DLGAP4: variants seen among roughly 807,000 people sequenced by gnomAD.
The protein encoded by DLGAP4 is DLG associated protein 4, also known as disks large-associated protein 4.
A neutral mutation model predicts 86.9 loss-of-function variants in DLGAP4; 18 were observed. That is an observed-to-expected ratio of 0.21 (90% CI 0.14 to 0.31). DLGAP4 has a LOEUF of 0.31. Ranked by LOEUF, DLGAP4 falls within the 10% of genes least tolerant of loss-of-function variation. The probability of loss-of-function intolerance (pLI) is 1.00; values close to 1 mark genes in which losing one functional copy is unlikely to be tolerated. For synonymous variants in DLGAP4, 548 were observed against 574.3 expected (o/e 0.95, Z 0.65); for missense variants, 1,085 against 1,362.6 (o/e 0.80, Z 3.21).
At chr20:36,477,584 G>A (rs2035003904) in intron 7 of DLGAP4, among the ~76,000 whole-genome samples, 2 of 152,200 alleles carry the variant, frequency 1.3e-5, no homozygotes, top group Admixed American at 6.5e-5. Context: ...GAGGAAGGCT[G>A]TGGATCTGAT....
intron 10 of DLGAP4, among the ~76,000 whole-genome samples, chr20:36,509,988 C>T (rs1040229113): frequency 1.3e-5 from 2 of 151,962 alleles, no homozygotes; most frequent in Admixed American, 1.3e-4. Context: ...TCCTGAGCAG[C>T]TGGGATTACA....
At chr20:36,480,836 T>C (rs1428010326) in intron 7 of DLGAP4, among the ~76,000 whole-genome samples, 1 of 152,100 alleles carries the variant, frequency 6.6e-6, no homozygotes. Flanking sequence ...TGAGACCTCA[T>C]CTCTACAAAA....
intron 1 of DLGAP4, among the ~76,000 whole-genome samples, chr20:36,327,500 G>A (rs1381149646): frequency 6.6e-6 from 1 of 151,936 alleles, no homozygotes; most frequent in Non-Finnish European, 1.5e-5. Context: ...GGCCACTCTT[G>A]ACTCAGTTTC....
At chr20:36,360,145 C>A (rs2030467217) in intron 1 of DLGAP4, among the ~76,000 whole-genome samples, 1 of 152,200 alleles carries the variant, frequency 6.6e-6, no homozygotes, top group Non-Finnish European at 1.5e-5. Context: ...GCTCTGCCCT[C>A]ACAGCAACCC....
intron 2 of DLGAP4, among the ~76,000 whole-genome samples, chr20:36,388,799 T>C (rs1226018204): frequency 6.6e-6 from 1 of 152,188 alleles, no homozygotes; most frequent in Non-Finnish European, 1.5e-5. Context: ...TTCACACTTT[T>C]CCTGCGATTA....
intron 1 of DLGAP4, among the ~76,000 whole-genome samples, chr20:36,317,377 T>C (rs2065119205): frequency 6.7e-6 from 1 of 149,760 alleles, no homozygotes; most frequent in African/African-American, 2.5e-5. Flanking sequence ...CATTCTTTCT[T>C]TCCTCTCGTC....
intron 2 of DLGAP4, among the ~76,000 whole-genome samples, chr20:36,403,585 G>A (rs151204867): frequency 1.3e-4 from 20 of 152,342 alleles, no homozygotes; most frequent in African/African-American, 4.6e-4. Context: ...GCTTTGTGAG[G>A]TAGTAATTTG....
At chr20:36,416,881 C>T (rs1052119269) in intron 2 of DLGAP4, among the ~76,000 whole-genome samples, 1 of 152,184 alleles carries the variant, frequency 6.6e-6, no homozygotes, top group African/African-American at 2.4e-5. Flanking sequence ...AGCTGCAGCT[C>T]TCCAGCTCCC....
At chr20:36,495,588 A>G (rs997286467) in intron 7 of DLGAP4, among the ~76,000 whole-genome samples, 2 of 152,228 alleles carry the variant, frequency 1.3e-5, no homozygotes, top group African/African-American at 4.8e-5. Flanking sequence ...TCTGAGAAGC[A>G]AGCAGTGGGC....
intron 7 of DLGAP4, among the ~76,000 whole-genome samples, chr20:36,466,797 C>T (rs1284297823): frequency 2.0e-5 from 3 of 152,222 alleles, no homozygotes; most frequent in African/African-American, 2.4e-5. Context: ...CTCCCTCCCC[C>T]GGGCTCCCTC....
chr20:36,440,317 A>C (rs2033411126), intron 5 of DLGAP4, among the ~76,000 whole-genome samples: 1 of 152,136 alleles, frequency 6.6e-6, no homozygotes, highest in Admixed American at 6.5e-5. Flanking sequence ...TGGGATCGTG[A>C]AGGCGGTGTG....
At position 36,436,346 on chromosome 20, in the gene DLGAP4, C is replaced by T. The variant is rs775153542; in HGVS notation, c.1237C>T (p.Arg413Cys). The change falls in exon 4 of 13, where the codon CGC becomes TGC. Residue 413 changes from arginine (R) to cysteine (C), a missense_variant. By Grantham distance (180) the Arg-to-Cys change is radical. Around this residue, in one of 2 missense-constraint regions of DLGAP4, gnomAD observed 1,082 missense variants for 1,344.1 expected, o/e 0.81. Coordinates refer to ENST00000339266, the MANE Select transcript of DLGAP4 (RefSeq NM_001365621.2). ...GTCGCTGGGAGAGCAGAGCAACCCC[C>T]GCAGGTAGGCGCGCAGCTCCACCCT... ...QQSLGEQSNP[R>C]RSLDRLDSVD... 1.9e-5 allele frequency: 31 copies of T among 1,591,378 alleles called. No homozygotes were observed. In the South Asian group the frequency reaches 3.1e-4, roughly 16 times the overall value.
chr20:36,384,680 A>G (rs2031531637), intron 2 of DLGAP4, among the ~76,000 whole-genome samples: 1 of 152,186 alleles, frequency 6.6e-6, no homozygotes, highest in Admixed American at 6.5e-5. Context: ...TTACACACGG[A>G]GGAAAGCAGG....
intron 10 of DLGAP4, among the ~76,000 whole-genome samples, chr20:36,511,742 G>A (rs992066067): frequency 1.4e-4 from 21 of 151,532 alleles, no homozygotes; most frequent in African/African-American, 3.4e-4. Flanking sequence ...GGGTGTCATC[G>A]TGGGCACCTG....
intron 1 of DLGAP4, among the ~76,000 whole-genome samples, chr20:36,310,180 A>AAAAAGAAAG (rs2065039932): frequency 8.1e-6 from 1 of 124,164 alleles, no homozygotes; most frequent in African/African-American, 3.7e-5. Context: ...CAAAAAAAAA[A>AAAAAGAAAG]AAAGAAAGAA....
chr20:36,386,127 G>A (rs1019750999), intron 2 of DLGAP4, among the ~76,000 whole-genome samples: 32 of 140,232 alleles, frequency 2.3e-4, no homozygotes, highest in African/African-American at 8.2e-4. Flanking sequence ...AGCCCACCTC[G>A]TCCACACTCT....
At chr20:36,385,596 C>T (rs192002582) in intron 2 of DLGAP4, among the ~76,000 whole-genome samples, 25 of 152,310 alleles carry the variant, frequency 1.6e-4, no homozygotes, top group African/African-American at 5.1e-4. Flanking sequence ...GACATTCCTT[C>T]GGGCAGGCAG....
At chr20:36,427,329 T>C (rs1487086490) in intron 2 of DLGAP4, among the ~76,000 whole-genome samples, 13 of 151,888 alleles carry the variant, frequency 8.6e-5, no homozygotes, top group Non-Finnish European at 1.9e-4. Flanking sequence ...ATTACAAAAA[T>C]TAGCCGGATG....
chr20:36,377,119 G>A (rs762009908), intron 2 of DLGAP4, among the ~76,000 whole-genome samples: 4 of 152,164 alleles, frequency 2.6e-5, no homozygotes, highest in African/African-American at 4.8e-5. Flanking sequence ...GCAGGGTCTG[G>A]GTCTGGCACT....
Sources: gnomAD v4.1 joint callset for allele counts (sites outside exome capture counted in the v4.1 genomes callset) on GRCh38, gnomAD v4.1.1 for gene constraint, gnomAD v4.1.1 regional missense constraint, MANE v1.5 for transcripts, NCBI Gene and HGNC (gene_info 2026-07-23, HGNC 2026-07-21) for gene names.